The following AGPAT3 variants were observed in gnomAD, a reference collection of about 807,000 sequenced individuals.
The protein encoded by AGPAT3 is 1-acyl-sn-glycerol-3-phosphate acyltransferase gamma.
AGPAT3 carries 5 observed loss-of-function variants against 47.3 expected under a neutral mutation model. That is an observed-to-expected ratio of 0.11 (90% confidence interval 0.06 to 0.22). The LOEUF (loss-of-function observed/expected upper bound fraction) is 0.22, where lower values mean the gene tolerates loss of function less well. AGPAT3 is among the 10% of genes least tolerant of loss of function. AGPAT3 has a pLI of 1.00. For synonymous variants in AGPAT3, 212 were observed against 208.3 expected (o/e 1.02, Z -0.15); for missense variants, 315 against 493.0 (o/e 0.64, Z 3.42).
chr21:43,967,664 G>A, intron 3 of AGPAT3: 1 of 390,600 alleles, frequency 2.6e-6, no homozygotes, highest in Non-Finnish European at 4.7e-6. Context: ...GCCACACCAA[G>A]GTGCACGTGA....
chr21:43,872,716 C>T (rs887829528), intron 1 of AGPAT3, among the ~76,000 whole-genome samples: 5 of 152,180 alleles, frequency 3.3e-5, no homozygotes, highest in African/African-American at 1.2e-4. Context: ...TGGGCCAGGC[C>T]CTCCTGAGCA....
At chr21:43,868,641 A>G (rs2085560052) in intron 1 of AGPAT3, among the ~76,000 whole-genome samples, 1 of 152,200 alleles carries the variant, frequency 6.6e-6, no homozygotes, top group South Asian at 2.1e-4. Context: ...CTCACCCCTG[A>G]CTGTCTGCCC....
At chr21:43,968,812 G>A (rs950160950) in intron 4 of AGPAT3, among the ~76,000 whole-genome samples, 2 of 152,150 alleles carry the variant, frequency 1.3e-5, no homozygotes, top group Non-Finnish European at 2.9e-5. Context: ...TTTCATTGCA[G>A]TCAAAGCCCC....
At position 43,928,260 on chromosome 21, in the gene AGPAT3, G is replaced by T. The variant is rs893749589; in HGVS notation, c.-49+24241G>T. On this transcript the variant is annotated intron_variant, in intron 2 of 9. Transcript: ENST00000291572. ...GCCCTCTTCTCCGGGGCCTGCAGGTGTACCCCTGCCCTGAGTTCGACACGG... is the reference window on the plus strand; with the variant it reads ...GCCCTCTTCTCCGGGGCCTGCAGGTTTACCCCTGCCCTGAGTTCGACACGG... 7.9e-5 allele frequency among the ~76,000 whole-genome samples: 12 copies of T among 152,240 alleles called. No homozygotes were observed. In the South Asian group the frequency reaches 2.5e-3, roughly 31 times the overall value.
At position 43,939,835 on chromosome 21, in the gene AGPAT3, G is replaced by A. The variant is rs1023089267; in HGVS notation, c.-48-19799G>A. ...AGGGGTCTGTGCTGGGGTGGGGCTC[G>A]TTGACCTGCATCCTGGCTGGCCCTG... On this transcript the variant is annotated intron_variant, in intron 2 of 9. Transcript: ENST00000291572. The surrounding 1 kb of genome is among the most constrained non-coding windows in gnomAD (Gnocchi z 4.4). Among the ~76,000 whole-genome samples, 34 of 152,220 alleles carry A rather than the reference G, an allele frequency of 2.2e-4. No individual in the cohort carries two copies. The highest frequency in any genetic ancestry group is 2.4e-4 in the Non-Finnish European group (16 of 68,044).
chr21:43,944,354 C>T (rs1027617811), intron 2 of AGPAT3, among the ~76,000 whole-genome samples: 1 of 152,212 alleles, frequency 6.6e-6, no homozygotes. Flanking sequence ...GCCCTGGGTG[C>T]CTGGAATCTG....
chr21:43,913,850 A>C (rs2086677683), intron 2 of AGPAT3, among the ~76,000 whole-genome samples: 1 of 152,228 alleles, frequency 6.6e-6, no homozygotes, highest in African/African-American at 2.4e-5. Flanking sequence ...AGAGACCTCT[A>C]ATATGGTGTT....
At chr21:43,919,672 C>T (rs753693149) in intron 2 of AGPAT3, 5 of 152,184 alleles carry the variant, frequency 3.3e-5, no homozygotes, top group Non-Finnish European at 7.3e-5. Context: ...ATTGCTGGAT[C>T]GAATGGTGGA....
rs754723474 is a variant in AGPAT3, at chr21:43,982,279, TTCTC to T, written c.1043-16_1043-13del. On this transcript the variant is annotated intron_variant, in intron 9 of 9. Coordinates refer to ENST00000291572, the MANE Select transcript of AGPAT3 (RefSeq NM_020132.5). The surrounding 1 kb of genome is among the most constrained non-coding windows in gnomAD (Gnocchi z 6.2). ...AAGGCAAAGTCATCCGTCTCACCTC[TTCTC>T]TCTCTCTCCTGTCTTGAAAGCTTCC... is the stretch of plus-strand genomic sequence containing the variant. 6.3e-7 allele frequency: 1 copy of T among 1,574,906 alleles called. No homozygotes were observed. The highest frequency in any genetic ancestry group is 2.2e-5 in the East Asian group (1 of 44,558).
At chr21:43,878,901 T>A (rs951669491) in intron 1 of AGPAT3, among the ~76,000 whole-genome samples, 1 of 152,084 alleles carries the variant, frequency 6.6e-6, no homozygotes. Flanking sequence ...CCACCACACC[T>A]AGCTAATTTT....
intron 1 of AGPAT3, among the ~76,000 whole-genome samples, chr21:43,870,652 G>A (rs986198734): frequency 3.9e-5 from 6 of 152,188 alleles, no homozygotes; most frequent in Non-Finnish European, 5.9e-5. Flanking sequence ...AACCTGGGAG[G>A]CGGACCTTGC....
At chr21:43,963,135 A>T (rs2088957755) in intron 3 of AGPAT3, among the ~76,000 whole-genome samples, 1 of 152,244 alleles carries the variant, frequency 6.6e-6, no homozygotes, top group South Asian at 2.1e-4. Flanking sequence ...TACACCAGAC[A>T]TCAATGTGAA....
intron 2 of AGPAT3, among the ~76,000 whole-genome samples, chr21:43,938,140 A>ACT (rs2087516243): frequency 6.6e-6 from 1 of 150,660 alleles, no homozygotes; most frequent in African/African-American, 2.5e-5. Flanking sequence ...ACACACACAC[A>ACT]CTCACACTCA....
intron 1 of AGPAT3, among the ~76,000 whole-genome samples, chr21:43,886,347 G>A (rs548183482): frequency 1.1e-4 from 17 of 152,136 alleles, no homozygotes; most frequent in African/African-American, 2.9e-4. Context: ...TCTGCCTCCC[G>A]GGTTCAAGTG....
intron 2 of AGPAT3, among the ~76,000 whole-genome samples, chr21:43,923,966 G>C (rs1476277738): frequency 6.6e-6 from 1 of 152,174 alleles, no homozygotes; most frequent in African/African-American, 2.4e-5. Context: ...AGATTGAAAG[G>C]CTTGTTAGGA....
Position 43,908,001 on chromosome 21 carries a change from G to A in AGPAT3, c.-49+3982G>A, listed in dbSNP as rs1013345118. ...CCCACCCTCGTGGAAGCATGTTCCCGTAATAGCAGAGCAAAGGGATGATGG... is the reference window on the plus strand; with the variant it reads ...CCCACCCTCGTGGAAGCATGTTCCCATAATAGCAGAGCAAAGGGATGATGG... On this transcript the variant is annotated intron_variant, in intron 2 of 9. Coordinates refer to ENST00000291572, the MANE Select transcript of AGPAT3 (RefSeq NM_020132.5). The surrounding 1 kb of genome is among the most constrained non-coding windows in gnomAD (Gnocchi z 4.9). 2.0e-5 allele frequency among the ~76,000 whole-genome samples: 3 copies of A among 152,188 alleles called. No homozygotes were observed. The highest frequency in any genetic ancestry group is 4.8e-5 in the African/African-American group (2 of 41,448).
chr21:43,932,140 T>C lies in AGPAT3; in HGVS notation c.-48-27494T>C, dbSNP rs1047102745. On this transcript the variant is annotated intron_variant, in intron 2 of 9. Transcript: ENST00000291572. This position sits in a 1 kb window ranked among gnomAD's most constrained non-coding sequence, Gnocchi z 5.2. ...GTGTGGATGTTAAAAATCTATTCTT[T>C]CCCTGATTTTGAAACATGATACGTT... 6.6e-6 allele frequency among the ~76,000 whole-genome samples: 1 copy of C among 152,160 alleles called. No individual in the cohort carries two copies. The highest frequency in any genetic ancestry group is 1.5e-5 in the Non-Finnish European group (1 of 68,030).
chr21:43,901,123 G>A (rs2086340121), intron 1 of AGPAT3, among the ~76,000 whole-genome samples: 2 of 152,046 alleles, frequency 1.3e-5, no homozygotes, highest in Non-Finnish European at 2.9e-5. Context: ...GCCACATAGC[G>A]AGACCCTGTC....
intron 2 of AGPAT3, among the ~76,000 whole-genome samples, chr21:43,945,765 C>T (rs2087857827): frequency 6.6e-6 from 1 of 152,230 alleles, no homozygotes; most frequent in Admixed American, 6.5e-5. Flanking sequence ...TGTAGAATGA[C>T]AGATGTGGCA....
Sources: gnomAD v4.1 joint callset for allele counts (sites outside exome capture counted in the v4.1 genomes callset) on GRCh38, gnomAD v4.1.1 for gene constraint, Gnocchi (gnomAD v3.1) non-coding constraint, MANE v1.5 for transcripts, NCBI Gene and HGNC (gene_info 2026-07-23, HGNC 2026-07-21) for gene names.